Variants in HELB observed in about 807,000 individuals in gnomAD.
The protein encoded by HELB is DNA 5'-3' helicase B.
A neutral mutation model predicts 101.7 loss-of-function variants in HELB; 96 were observed. The observed-to-expected ratio is 0.94, with a 90% CI of 0.80 to 1.12. The LOEUF (loss-of-function observed/expected upper bound fraction) is 1.12. HELB is among the 50% of genes most tolerant of loss of function. The pLI, the probability that HELB is intolerant of heterozygous loss-of-function variation, is 0.00. For synonymous variants in HELB, 437 were observed against 459.7 expected (o/e 0.95, Z 0.63); for missense variants, 1,210 against 1,291.9 (o/e 0.94, Z 0.97).
Position 66,310,577 on chromosome 12 carries a change from A to T in HELB, c.1649A>T (p.Lys550Ile), listed in dbSNP as rs1192773798. Residue 550 changes from lysine to isoleucine, a missense_variant, in exon 4 of 13, where the codon AAA (lysine) becomes ATA (isoleucine). This residue lies in a region of HELB where 740 missense variants were observed against 728.8 expected (regional missense o/e 1.02). Coordinates refer to ENST00000247815, the MANE Select transcript of HELB (RefSeq NM_001370285.1). ...AAAGCAGCTGGCTTACTAAGACAGA[A>T]AACTGGTCTTCATGCCTACACACTG... is the stretch of plus-strand genomic sequence containing the variant. ...TGKAAGLLRQ[K>I]TGLHAYTLCQ... 1 of 1,613,648 alleles carries T rather than the reference A, an allele frequency of 6.2e-7. No individual in the cohort carries two copies. The highest frequency in any genetic ancestry group is 8.5e-7 in the Non-Finnish European group (1 of 1,179,900).
chr12:66,325,165 C>T, intron 11 of HELB, 39 bp downstream of exon 11: 1 of 1,441,238 alleles, frequency 6.9e-7, no homozygotes, highest in Non-Finnish European at 9.6e-7. Flanking sequence ...AAATAATTTA[C>T]CAACCTTAGA....
In HELB at chr12:66,310,310, C is replaced by A; in HGVS notation, c.1382C>A (p.Ala461Asp). The change falls in exon 4 of 13, where the codon GCT becomes GAT. Residue 461 changes from alanine (A) to aspartate (D), a missense_variant. Around this residue, in one of 2 missense-constraint regions of HELB, gnomAD observed 470 missense variants for 563.1 expected, o/e 0.83. Transcript: ENST00000247815. ...EVPLDRDQVA[A>D]LEMICSNPVT... Reference sequence around the variant, plus strand: ...CCACTGGATCGGGATCAGGTGGCTGCTTTGGAAATGATTTGCTCCAATCCT... The same window carrying A: ...CCACTGGATCGGGATCAGGTGGCTGATTTGGAAATGATTTGCTCCAATCCT... The A allele has an allele frequency of 6.2e-7, 1 of 1,614,104 alleles. No individual in the cohort carries two copies. Among genetic ancestry groups the A allele is most frequent in the Non-Finnish European group, 8.5e-7 (1 of 1,180,022 alleles).
downstream of HELB, chr12:66,342,946 T>A (rs2053928442): frequency 6.6e-6 from 1 of 152,222 alleles, no homozygotes; most frequent in African/African-American, 2.4e-5. Context: ...TCCGCTTACC[T>A]TGGCCTCCCA....
intron 8 of HELB, among the ~76,000 whole-genome samples, chr12:66,322,239 A>G (rs199745655): frequency 6.6e-6 from 1 of 151,958 alleles, no homozygotes; most frequent in Admixed American, 6.6e-5. Flanking sequence ...GCTCATAGGG[A>G]CTCTGAATGG....
intron 11 of HELB, among the ~76,000 whole-genome samples, chr12:66,329,641 A>G (rs1484476927): frequency 6.6e-5 from 10 of 152,162 alleles, no homozygotes; most frequent in African/African-American, 2.4e-4. Flanking sequence ...ATCTAATATG[A>G]TTGGGTTTGC....
intron 11 of HELB, among the ~76,000 whole-genome samples, 186 bp from the exon 12 acceptor site, chr12:66,330,966 GTT>G (rs2053798454): frequency 1.3e-5 from 2 of 152,128 alleles, no homozygotes; most frequent in Non-Finnish European, 2.9e-5. Context: ...TTAGCAGCAT[GTT>G]TAGCAGTGTG....
At position 66,310,208 on chromosome 12, in the gene HELB, A is replaced by G. The variant is rs369545933; in HGVS notation, c.1280A>G (p.His427Arg). The stretch of plus-strand genomic sequence containing the variant: ...GTGGACACACAGGACAATGGTGACC[A>G]TATTTGGACTAATGGTGAAAATGAA... ...DVVDTQDNGD[H>R]IWTNGENEIN... Residue 427 changes from histidine to arginine, a missense_variant, in exon 4 of 13, where the codon CAT (histidine) becomes CGT (arginine). Physicochemically the swap from His to Arg is conservative, Grantham distance 29. Transcript: ENST00000247815. 6.2e-7 allele frequency: 1 copy of G among 1,614,220 alleles called. No individual in the cohort carries two copies.
At chr12:66,334,432 A>G (rs1159690043) in intron 12 of HELB, among the ~76,000 whole-genome samples, 2 of 149,898 alleles carry the variant, frequency 1.3e-5, no homozygotes, top group Non-Finnish European at 3.0e-5. Flanking sequence ...GTCCCATTCC[A>G]GCCTGGGTGA....
intron 5 of HELB, among the ~76,000 whole-genome samples, chr12:66,314,744 C>T (rs955323233): frequency 2.6e-5 from 4 of 151,990 alleles, no homozygotes; most frequent in Non-Finnish European, 5.9e-5. Context: ...TGGCTTAAGC[C>T]TTCTCTCTGC....
rs776193041 is a variant in HELB at position 66,302,555 on chromosome 12, C to G, written c.-49C>G. 7.1e-6 allele frequency: 11 copies of G among 1,551,086 alleles called. No individual in the cohort carries two copies. Among genetic ancestry groups the G allele is most frequent in the Admixed American group, 1.7e-5 (1 of 59,218 alleles). ...AACTGATTGGCTGATCATGACCATG[C>G]AGTTAGCCAGGGTTTTCCCGAGTTG... On this transcript the variant is annotated 5_prime_UTR_variant, in exon 1 of 13. Coordinates refer to ENST00000247815, the MANE Select transcript of HELB (RefSeq NM_001370285.1).
rs575179697 is a variant in HELB at position 66,309,659 on chromosome 12, A to G, written c.778-47A>G. Reference sequence around the variant, plus strand: ...AATTATTAATAAAGAACATATTCATAAACACTTATGATGTTTATAAACCAA... The same window carrying G: ...AATTATTAATAAAGAACATATTCATGAACACTTATGATGTTTATAAACCAA... On this transcript the variant is annotated intron_variant, in intron 3 of 12. Coordinates refer to ENST00000247815, the MANE Select transcript of HELB (RefSeq NM_001370285.1). The G allele has an allele frequency of 1.8e-5, 23 of 1,281,070 alleles. No individual in the cohort carries two copies. The Middle Eastern group carries it at 5.9e-4, about 33-fold the overall frequency. The allele number at this position is 1,281,070 out of a possible 1,614,324, so 79.4% of individuals were successfully genotyped here.
At position 66,310,025 on chromosome 12, in the gene HELB, C is replaced by T; in HGVS notation, c.1097C>T (p.Ser366Leu). 6.2e-7 allele frequency: 1 copy of T among 1,614,150 alleles called. No homozygotes were observed. Among genetic ancestry groups the T allele is most frequent in the Non-Finnish European group, 8.5e-7 (1 of 1,180,036 alleles). Residue 366 changes from serine to leucine, a missense_variant, in exon 4 of 13, where the codon TCA (serine) becomes TTA (leucine). Physicochemically the swap from Ser to Leu is moderately radical, Grantham distance 145. Transcript: ENST00000247815. ...CATGCTGAAAGAGCCATCGCCTTTT[C>T]AATTTGTGACCTGATGAAGAAACCT... ...LYHAERAIAFSICDLMKKPPW... is the reference protein window; with the variant it reads ...LYHAERAIAFLICDLMKKPPW...
At chr12:66,311,844 G>A (rs1199370209) in intron 4 of HELB, among the ~76,000 whole-genome samples, 2 of 152,208 alleles carry the variant, frequency 1.3e-5, no homozygotes, top group East Asian at 3.8e-4. Flanking sequence ...CCATTTTTTA[G>A]ATAAAGAAAC....
chr12:66,305,533 G>A (rs2053464662), intron 2 of HELB, among the ~76,000 whole-genome samples: 2 of 152,166 alleles, frequency 1.3e-5, no homozygotes, highest in Admixed American at 6.5e-5. Context: ...CTTGAGCGCA[G>A]GAGATCGAGA....
rs1280696660 is a variant in HELB at position 66,306,442 on chromosome 12, A to G, written c.705A>G (p.Ser235=). ...LPRHFKWIIG[S]GSKEMLKEIE... ...GACACTTTAAATGGATCATAGGGTC[A>G]GGTTCTAAAGAGATGTTGAAAGAGA... The change falls in exon 3 of 13, where the codon TCA becomes TCG. Residue 235 remains serine (S), a synonymous_variant. Transcript: ENST00000247815. 4 of 1,609,412 alleles carry G rather than the reference A, an allele frequency of 2.5e-6. No individual in the cohort carries two copies. In the African/African-American group the frequency reaches 4.0e-5, roughly 16 times the overall value.
chr12:66,306,341 G>A lies in HELB; in HGVS notation c.608-4G>A, dbSNP rs1026417916. The stretch of plus-strand genomic sequence containing the variant: ...TTACTTTGTTCCTTTCTGATATCTT[G>A]TAGTTCCATTTAGAAATGTAATGAC... On this transcript the variant is annotated splice_region_variant and splice_polypyrimidine_tract_variant and intron_variant, in intron 2 of 12. Transcript: ENST00000247815. 5 of 1,575,128 alleles carry A rather than the reference G, an allele frequency of 3.2e-6. No homozygotes were observed. Among genetic ancestry groups the A allele is most frequent in the Non-Finnish European group, 4.3e-6 (5 of 1,162,772 alleles).
chr12:66,331,361 G>T lies in HELB; in HGVS notation c.2878G>T (p.Ala960Ser), dbSNP rs767550787. ...GCAAAGTAAGCTCTCCTCTAGCGGC[G>T]CACCTCCAGCAGATTTTCCGTCCCC... The part of the protein sequence containing the change: ...FLQSKLSSSG[A>S]PPADFPSPRK... Residue 960 changes from alanine (A) to serine (S), a missense_variant, in exon 12 of 13, where the codon GCA becomes TCA. Ala to Ser is a moderately conservative substitution (Grantham distance 99). Around this residue, in one of 2 missense-constraint regions of HELB, gnomAD observed 740 missense variants for 728.8 expected, o/e 1.02. Transcript: ENST00000247815. The T allele has an allele frequency of 1.2e-6, 2 of 1,614,164 alleles. No homozygotes were observed. Among genetic ancestry groups the T allele is most frequent in the Non-Finnish European group, 1.7e-6 (2 of 1,180,024 alleles).
At chr12:66,342,705 T>C (rs1468023046), downstream of HELB, 1 of 150,882 alleles carries the variant, frequency 6.6e-6, no homozygotes, top group Non-Finnish European at 1.5e-5. Flanking sequence ...TCTTTTTCTT[T>C]TTTTTTTGAG....
intron 11 of HELB, among the ~76,000 whole-genome samples, chr12:66,329,378 G>A (rs1259208371): frequency 6.6e-6 from 1 of 152,200 alleles, no homozygotes; most frequent in East Asian, 1.9e-4. Flanking sequence ...TGTGATAGAG[G>A]AAGTACAGGG....
Sources: allele counts gnomAD v4.1 joint callset (sites outside exome capture counted in the v4.1 genomes callset), GRCh38; gene constraint gnomAD v4.1.1; regional missense constraint gnomAD v4.1.1; transcripts MANE v1.5; gene names NCBI Gene and HGNC (gene_info 2026-07-23, HGNC 2026-07-21).